The following CNTNAP5 variants were observed in gnomAD, a reference collection of about 807,000 sequenced individuals.
The protein encoded by CNTNAP5 is contactin-associated protein-like 5.
CNTNAP5 carries 72 observed loss-of-function variants against 150.2 expected under a neutral mutation model. The ratio of observed to expected loss-of-function variants is 0.48; its 90% CI spans 0.40 to 0.58. The LOEUF (loss-of-function observed/expected upper bound fraction) is 0.58. CNTNAP5 is among the 20% of genes least tolerant of loss of function. The pLI is 0.00. For missense variants in CNTNAP5, 1,636 were observed against 1,626.2 expected, an observed-to-expected ratio of 1.01 and a Z score of -0.10; for synonymous variants, 672 against 619.8, an observed-to-expected ratio of 1.08 and a Z score of -1.25.
intron 1 of CNTNAP5, among the ~76,000 whole-genome samples, chr2:124,148,928 A>ATG (rs1684333831): frequency 6.6e-6 from 1 of 152,060 alleles, no homozygotes. Flanking sequence ...ACATATATGT[A>ATG]TGTATATATA....
At chr2:124,483,908 T>C (rs1393775095) in intron 7 of CNTNAP5, among the ~76,000 whole-genome samples, 3 of 152,232 alleles carry the variant, frequency 2.0e-5, no homozygotes, top group Non-Finnish European at 4.4e-5. Flanking sequence ...TGGCCACCGT[T>C]TGACAGCCAC....
At chr2:124,367,833 A>G (rs1415712490) in intron 3 of CNTNAP5, among the ~76,000 whole-genome samples, 2 of 152,206 alleles carry the variant, frequency 1.3e-5, no homozygotes, top group African/African-American at 4.8e-5. Flanking sequence ...TTCAAGGTAC[A>G]ATTACTTATA....
chr2:124,118,172 A>G (rs773379228), intron 1 of CNTNAP5, among the ~76,000 whole-genome samples: 2 of 152,158 alleles, frequency 1.3e-5, no homozygotes, highest in Non-Finnish European at 2.9e-5. Context: ...ACTTTAGAAT[A>G]TATGTATATA....
chr2:124,415,086 G>T (rs1691883522), intron 3 of CNTNAP5, among the ~76,000 whole-genome samples: 1 of 152,178 alleles, frequency 6.6e-6, no homozygotes, highest in African/African-American at 2.4e-5. Flanking sequence ...TCCTTTCCAG[G>T]TGAGCAGGGA....
At chr2:124,581,401 G>A (rs1349202721) in intron 11 of CNTNAP5, among the ~76,000 whole-genome samples, 1 of 152,062 alleles carries the variant, frequency 6.6e-6, no homozygotes, top group East Asian at 1.9e-4. Context: ...CTAATTAGAA[G>A]ACAAAGAATA....
At chr2:124,630,375 A>G (rs1290726098) in intron 12 of CNTNAP5, among the ~76,000 whole-genome samples, 2 of 152,302 alleles carry the variant, frequency 1.3e-5, no homozygotes, top group East Asian at 3.9e-4. Context: ...CTTATCCACC[A>G]CGATCAAGTT....
intron 21 of CNTNAP5, among the ~76,000 whole-genome samples, chr2:124,876,904 G>A (rs1406807582): frequency 1.3e-5 from 2 of 152,020 alleles, no homozygotes; most frequent in Admixed American, 6.6e-5. Context: ...AATAAATGGT[G>A]TGTTTTAGAG....
In CNTNAP5 at chr2:124,383,171, G is replaced by A. The variant is rs564725052; in HGVS notation, c.382-34272G>A. Among the ~76,000 whole-genome samples, 7 of 152,134 alleles carry A rather than the reference G, an allele frequency of 4.6e-5. No homozygotes were observed. The South Asian group carries it at 8.3e-4, about 18-fold the overall frequency. The stretch of plus-strand genomic sequence containing the variant: ...TTGCAAGAAGTTTAACACATTTGGC[G>A]AACATTATTGCTGGAGTAATAATAG... On this transcript the variant is annotated intron_variant, in intron 3 of 23. Coordinates refer to ENST00000682447, the MANE Select transcript of CNTNAP5 (RefSeq NM_001367498.1).
At chr2:124,824,089 T>C (rs935376419) in intron 19 of CNTNAP5, among the ~76,000 whole-genome samples, 1 of 151,958 alleles carries the variant, frequency 6.6e-6, no homozygotes, top group Non-Finnish European at 1.5e-5. Context: ...GGCTAATTTT[T>C]GTATTTTTAG....
At position 124,916,794 on chromosome 2, in the gene CNTNAP5, T is replaced by C. The variant is rs1678777953; in HGVS notation, c.*2506T>C. Reference sequence around the variant, plus strand: ...ACACTACATACCACAGACCTAAATGTAGATGCCAGGACAGTGCCGTCTACA... The same window carrying C: ...ACACTACATACCACAGACCTAAATGCAGATGCCAGGACAGTGCCGTCTACA... On this transcript the variant is annotated 3_prime_UTR_variant, in exon 24 of 24. Transcript: ENST00000682447. 1.3e-5 allele frequency among the ~76,000 whole-genome samples: 2 copies of C among 152,014 alleles called. No individual in the cohort carries two copies. The highest frequency in any genetic ancestry group is 6.6e-5 in the Admixed American group (1 of 15,244).
intron 1 of CNTNAP5, among the ~76,000 whole-genome samples, chr2:124,033,701 C>G (rs544649870): frequency 2.6e-5 from 4 of 152,050 alleles, no homozygotes; most frequent in Non-Finnish European, 5.9e-5. Flanking sequence ...CCACAGGGAA[C>G]CTGGGAAGGC....
chr2:124,117,249 C>T (rs1465996298), intron 1 of CNTNAP5, among the ~76,000 whole-genome samples: 2 of 152,190 alleles, frequency 1.3e-5, no homozygotes, highest in Admixed American at 1.3e-4. Context: ...TTCACCTCTC[C>T]TCACATTTCC....
chr2:124,036,052 G>A (rs1223739905), intron 1 of CNTNAP5, among the ~76,000 whole-genome samples: 1 of 149,460 alleles, frequency 6.7e-6, no homozygotes, highest in East Asian at 2.0e-4. Context: ...AGCCTCCCGA[G>A]TAGCTGGGAC....
intron 19 of CNTNAP5, among the ~76,000 whole-genome samples, chr2:124,835,410 A>T (rs1306000099): frequency 6.6e-6 from 1 of 152,152 alleles, no homozygotes; most frequent in Admixed American, 6.5e-5. Context: ...AATCTTAGAT[A>T]TCCATTTCAA....
intron 2 of CNTNAP5, among the ~76,000 whole-genome samples, chr2:124,228,060 T>C (rs1341554907): frequency 6.6e-6 from 1 of 152,048 alleles, no homozygotes; most frequent in Non-Finnish European, 1.5e-5. Context: ...AGGCTGGTGG[T>C]GTAATTCAGT....
chr2:124,473,058 A>T (rs946619092), intron 6 of CNTNAP5, among the ~76,000 whole-genome samples: 3 of 152,078 alleles, frequency 2.0e-5, no homozygotes, highest in Non-Finnish European at 4.4e-5. Flanking sequence ...ATATACCAGC[A>T]GCAATAAGAT....
intron 1 of CNTNAP5, among the ~76,000 whole-genome samples, chr2:124,107,566 A>G (rs1683196213): frequency 1.3e-5 from 2 of 152,218 alleles, no homozygotes; most frequent in South Asian, 2.1e-4. Flanking sequence ...GAGTTCAGTT[A>G]TATTGATTAG....
intron 1 of CNTNAP5, among the ~76,000 whole-genome samples, chr2:124,217,455 TAAC>T (rs1250741776): frequency 2.0e-5 from 3 of 152,160 alleles, no homozygotes; most frequent in African/African-American, 7.2e-5. Context: ...CTGAGGGAGA[TAAC>T]ATGTTCTTTC....
chr2:124,173,889 C>T (rs1406546721), intron 1 of CNTNAP5, among the ~76,000 whole-genome samples: 1 of 152,184 alleles, frequency 6.6e-6, no homozygotes, highest in African/African-American at 2.4e-5. Flanking sequence ...ATTTTCAAAG[C>T]TTCACAGAAC....
Sources: allele counts gnomAD v4.1 joint callset (sites outside exome capture counted in the v4.1 genomes callset), GRCh38; gene constraint gnomAD v4.1.1; transcripts MANE v1.5; gene names NCBI Gene and HGNC (gene_info 2026-07-23, HGNC 2026-07-21).